The following NMT1 variants were observed in gnomAD, a reference collection of about 807,000 sequenced individuals.
NMT1 encodes the protein N-myristoyltransferase 1.
NMT1 carries 12 observed loss-of-function variants against 63.4 expected under a neutral mutation model. That is an observed-to-expected ratio of 0.19 (90% CI 0.12 to 0.31). The LOEUF (loss-of-function observed/expected upper bound fraction) is 0.31, where lower values mean the gene tolerates loss of function less well. Ranked by LOEUF, NMT1 falls within the 10% of genes least tolerant of loss-of-function variation. NMT1 has a pLI of 1.00. For synonymous variants in NMT1, 228 were observed against 234.3 expected, an observed-to-expected ratio of 0.97 and a Z score of 0.25; for missense variants, 432 against 634.6, an observed-to-expected ratio of 0.68 and a Z score of 3.43.
chr17:45,102,844 C>A, intron 8 of NMT1, 107 bp from the exon 9 acceptor site: 2 of 1,041,976 alleles, frequency 1.9e-6, no homozygotes, highest in Non-Finnish European at 2.8e-6. Context: ...GTGCAGGGAG[C>A]CGCCGAATGA....
intron 1 of NMT1, among the ~76,000 whole-genome samples, chr17:45,078,194 T>C (rs1350039745): frequency 6.6e-6 from 1 of 152,130 alleles, no homozygotes; most frequent in Admixed American, 6.6e-5. Context: ...AAATTGGGCT[T>C]GATACCTTCC....
In NMT1 at chr17:45,077,633, G is replaced by A. The variant is rs545089265; in HGVS notation, c.132-4011G>A. ...TCGAACTCCCGACCTCAGGTGATCC[G>A]CCTGCCTTGGCCTCCCAAAGTGCTG... On this transcript the variant is annotated intron_variant, in intron 1 of 11. Coordinates refer to ENST00000258960, the MANE Select transcript of NMT1 (RefSeq NM_021079.5). Among the ~76,000 whole-genome samples, 19 of 152,226 alleles carry A rather than the reference G, an allele frequency of 1.2e-4. No homozygotes were observed. In the East Asian group the frequency reaches 2.7e-3, roughly 22 times the overall value.
rs372335354 is a variant in NMT1, at chr17:45,094,953, C to T, written c.504+1150C>T. Reference sequence around the variant, plus strand: ...TCAGCCTCCCAGGTAGCTGAGATTACAACCATCTGTCACCATGCATGGATA... The same window carrying T: ...TCAGCCTCCCAGGTAGCTGAGATTATAACCATCTGTCACCATGCATGGATA... On this transcript the variant is annotated intron_variant, in intron 4 of 11. Coordinates refer to ENST00000258960, the MANE Select transcript of NMT1 (RefSeq NM_021079.5). Among the ~76,000 whole-genome samples the T allele has an allele frequency of 9.9e-5, 15 of 151,814 alleles. No homozygotes were observed. The South Asian group carries it at 1.7e-3, about 17-fold the overall frequency.
chr17:45,091,237 C>CACACACACAT (rs1555606665), intron 3 of NMT1, among the ~76,000 whole-genome samples: 1 of 148,322 alleles, frequency 6.7e-6, no homozygotes, highest in African/African-American at 2.5e-5. Context: ...CACACACACA[C>CACACACACAT]GTCCCATAGC....
At chr17:45,084,358 G>A (rs9907412) in intron 2 of NMT1, among the ~76,000 whole-genome samples, 165 of 136,036 alleles carry the variant, frequency 1.2e-3, no homozygotes, top group African/African-American at 3.7e-3. Flanking sequence ...TTTGCGAGAC[G>A]GAGTCTCGCT....
intron 2 of NMT1, 147 bp from the exon 3 acceptor site, chr17:45,086,361 G>A: frequency 1.4e-6 from 1 of 709,006 alleles, no homozygotes; most frequent in Non-Finnish European, 2.2e-6. Flanking sequence ...CTAACCTCAA[G>A]TGATCTGCCC....
At position 45,096,174 on chromosome 17, in the gene NMT1, A is replaced by G. The variant is rs973163131; in HGVS notation, c.505-20A>G. The G allele has an allele frequency of 6.3e-7, 1 of 1,585,964 alleles. No homozygotes were observed. Among genetic ancestry groups the G allele is most frequent in the Non-Finnish European group, 8.7e-7 (1 of 1,154,248 alleles). On this transcript the variant is annotated intron_variant, in intron 4 of 11. Coordinates refer to ENST00000258960, the MANE Select transcript of NMT1 (RefSeq NM_021079.5). ...CTACCTGGCAGAATACCTCCAAGTG[A>G]GCTGCTTATTTCTTTACAGCTAAAA...
chr17:45,104,537 G>T lies in NMT1; in HGVS notation c.1333-322G>T. 1 of 1,150,284 alleles carries T rather than the reference G, an allele frequency of 8.7e-7. No homozygotes were observed. Among genetic ancestry groups the T allele is most frequent in the South Asian group, 2.6e-5 (1 of 39,214 alleles). The allele number at this position is 1,150,284 out of a possible 1,614,324, so 71.3% of individuals were successfully genotyped here. ...AGCTTCTCAGAGGAATGGGCTCAGGGTTTGGACTCCAGAGAGGACTGTGGA... is the reference window on the plus strand; with the variant it reads ...AGCTTCTCAGAGGAATGGGCTCAGGTTTTGGACTCCAGAGAGGACTGTGGA... On this transcript the variant is annotated intron_variant, in intron 10 of 11. Transcript: ENST00000258960. This position sits in a 1 kb window ranked among gnomAD's most constrained non-coding sequence, Gnocchi z 4.2.
intron 1 of NMT1, among the ~76,000 whole-genome samples, 180 bp from the exon 2 acceptor site, chr17:45,081,464 C>T (rs1213174038): frequency 6.6e-6 from 1 of 152,164 alleles, no homozygotes; most frequent in African/African-American, 2.4e-5. Context: ...CGAGGGGGCG[C>T]GAGTCAGGAG....
chr17:45,093,638 C>A, intron 3 of NMT1, 47 bp from the exon 4 acceptor site: 1 of 1,548,132 alleles, frequency 6.5e-7, no homozygotes, highest in Non-Finnish European at 8.9e-7. Context: ...CCCTTTACTG[C>A]CCCGAGGGGG....
At chr17:45,078,150 G>T (rs899473571) in intron 1 of NMT1, among the ~76,000 whole-genome samples, 3 of 152,170 alleles carry the variant, frequency 2.0e-5, no homozygotes, top group Admixed American at 6.5e-5. Context: ...AGTGGACAGC[G>T]TAAGTGGGAA....
intron 1 of NMT1, among the ~76,000 whole-genome samples, chr17:45,078,248 G>T (rs992182086): frequency 4.9e-4 from 75 of 152,232 alleles, no homozygotes; most frequent in African/African-American, 1.7e-3. Flanking sequence ...AGCATGGGGG[G>T]GACACATGGA....
intron 4 of NMT1, among the ~76,000 whole-genome samples, chr17:45,094,221 G>A (rs1425399108): frequency 3.3e-5 from 5 of 151,962 alleles, no homozygotes; most frequent in African/African-American, 7.2e-5. Flanking sequence ...GTCGCCGGGC[G>A]TGGTGGCTCA....
At chr17:45,074,194 T>C (rs2053962303) in intron 1 of NMT1, among the ~76,000 whole-genome samples, 1 of 151,248 alleles carries the variant, frequency 6.6e-6, no homozygotes, top group Admixed American at 6.7e-5. Flanking sequence ...ACTTGTAACA[T>C]TTTGGTCTTC....
chr17:45,104,114 C>T lies in NMT1; in HGVS notation c.1332+238C>T. 2 of 1,417,920 alleles carry T rather than the reference C, an allele frequency of 1.4e-6. No homozygotes were observed. The highest frequency in any genetic ancestry group is 1.8e-6 in the Non-Finnish European group (2 of 1,081,654). The allele number at this position is 1,417,920 out of a possible 1,614,324, so 87.8% of individuals were successfully genotyped here. ...CTGATTCATTTCAGTGAGTTTCGTT[C>T]TCACAGGAGGCGCCACCAAGGAGCC... On this transcript the variant is annotated intron_variant, in intron 10 of 11. Transcript: ENST00000258960. This position sits in a 1 kb window ranked among gnomAD's most constrained non-coding sequence, Gnocchi z 4.2.
chr17:45,065,794 T>G (rs1475341503), intron 1 of NMT1, among the ~76,000 whole-genome samples: 1 of 152,070 alleles, frequency 6.6e-6, no homozygotes, highest in Non-Finnish European at 1.5e-5. Context: ...ACAGAGAAGT[T>G]TTCCTTTCAA....
chr17:45,091,276 A>C (rs1275819876), intron 3 of NMT1, among the ~76,000 whole-genome samples: 1 of 148,516 alleles, frequency 6.7e-6, no homozygotes, highest in East Asian at 2.0e-4. Context: ...ACTGGCCCTC[A>C]CCATGCCGGG....
chr17:45,084,527 G>A (rs1279931594), intron 2 of NMT1, among the ~76,000 whole-genome samples: 1 of 151,866 alleles, frequency 6.6e-6, no homozygotes, highest in Non-Finnish European at 1.5e-5. Context: ...TAGGGACGGG[G>A]TTTCACTGTG....
chr17:45,085,819 C>CTTTT (rs747872109), intron 2 of NMT1, among the ~76,000 whole-genome samples: 1 of 145,508 alleles, frequency 6.9e-6, no homozygotes, highest in Non-Finnish European at 1.5e-5. Context: ...CCCTTTAACT[C>CTTTT]TTTTTTTTTT....
Sources: gnomAD v4.1 joint callset for allele counts (sites outside exome capture counted in the v4.1 genomes callset) on GRCh38, gnomAD v4.1.1 for gene constraint, Gnocchi (gnomAD v3.1) non-coding constraint, MANE v1.5 for transcripts, NCBI Gene and HGNC (gene_info 2026-07-23, HGNC 2026-07-21) for gene names.